Variants in SESN1 observed in about 807,000 individuals in gnomAD.
SESN1 encodes the protein sestrin-1.
SESN1 carries 30 observed loss-of-function variants against 59.3 expected under a neutral mutation model. The ratio of observed to expected loss-of-function variants is 0.51; its 90% CI spans 0.38 to 0.69. The LOEUF (loss-of-function observed/expected upper bound fraction) is 0.69, where lower values mean the gene tolerates loss of function less well. Ranked by LOEUF, SESN1 falls within the 30% of genes least tolerant of loss-of-function variation. The probability of loss-of-function intolerance (pLI) is 0.00; values close to 1 mark genes in which losing one functional copy is unlikely to be tolerated. For missense variants in SESN1, 566 were observed against 673.0 expected (o/e 0.84, Z 1.76); for synonymous variants, 197 against 219.9 (o/e 0.90, Z 0.92).
chr6:108,990,639 A>T lies in SESN1; in HGVS notation c.1424+6T>A, dbSNP rs1465158892. 1.2e-6 allele frequency: 2 copies of T among 1,613,538 alleles called. No homozygotes were observed. Among genetic ancestry groups the T allele is most frequent in the Non-Finnish European group, 8.5e-7 (1 of 1,179,634 alleles). ...ATCTCTTTATAAACACAGAAAGAAG[A>T]CTAACCTTATTCCAAACATGCAGTG... is the stretch of plus-strand genomic sequence containing the variant. On this transcript the variant is annotated splice_donor_region_variant and intron_variant, in intron 8 of 9. Transcript: ENST00000436639.
intron 5 of SESN1, among the ~76,000 whole-genome samples, chr6:108,996,470 C>T (rs1438179443): frequency 6.6e-6 from 1 of 152,126 alleles, no homozygotes; most frequent in African/African-American, 2.4e-5. Context: ...TCTGTCAACT[C>T]ACATTATCTG....
rs1402037709 is a variant in SESN1, at chr6:109,001,860, T to A, written c.346-372A>T. ...CAATTTAAGGAGAACTAAAATTAAC[T>A]AATAGCATACACTTCTTATGAAAAT... On this transcript the variant is annotated intron_variant, in intron 2 of 9. Coordinates refer to ENST00000436639, the MANE Select transcript of SESN1 (RefSeq NM_014454.3). Among the ~76,000 whole-genome samples the A allele has an allele frequency of 2.0e-5, 3 of 152,184 alleles. No individual in the cohort carries two copies. The East Asian group carries it at 5.8e-4, about 29-fold the overall frequency.
intron 1 of SESN1, among the ~76,000 whole-genome samples, chr6:109,044,145 C>G (rs1370495587): frequency 6.6e-6 from 1 of 151,180 alleles, no homozygotes; most frequent in African/African-American, 2.4e-5. Flanking sequence ...GGAGACTCCA[C>G]TACTACAAAT....
At chr6:109,033,494 C>T (rs574529059) in intron 1 of SESN1, among the ~76,000 whole-genome samples, 3 of 152,270 alleles carry the variant, frequency 2.0e-5, no homozygotes, top group East Asian at 3.9e-4. Context: ...CACTTCTGGA[C>T]AGGATGCCTC....
rs1781425301 is a variant in SESN1, at chr6:109,094,284, G to T, written c.-211C>A. 1.2e-5 allele frequency: 7 copies of T among 562,628 alleles called. No individual in the cohort carries two copies. The highest frequency in any genetic ancestry group is 2.2e-5 in the Non-Finnish European group (7 of 321,560). The allele number at this position is 562,628 out of a possible 1,614,324, so 34.9% of individuals were successfully genotyped here. ...TCACCCTCTCCTTGTACACGAAAGG[G>T]CAGTCTTCTTTCTGGAAAAACAAAG... is the stretch of plus-strand genomic sequence containing the variant. On this transcript the variant is annotated 5_prime_UTR_variant, in exon 1 of 10. Coordinates refer to ENST00000436639, the MANE Select transcript of SESN1 (RefSeq NM_014454.3).
intron 1 of SESN1, among the ~76,000 whole-genome samples, chr6:109,092,463 T>A (rs894887532): frequency 6.6e-6 from 1 of 152,230 alleles, no homozygotes; most frequent in Non-Finnish European, 1.5e-5. Flanking sequence ...CGATTGGTTA[T>A]CTGGTTTCCC....
rs1779861104 is a variant in SESN1, at chr6:109,011,710, CCTTGACCT to C, written c.280-9375_280-9368del. Among the ~76,000 whole-genome samples the C allele has an allele frequency of 2.6e-5, 4 of 151,312 alleles. No individual in the cohort carries two copies. In the South Asian group the frequency reaches 8.3e-4, roughly 32 times the overall value. On this transcript the variant is annotated intron_variant, in intron 1 of 9. Coordinates refer to ENST00000436639, the MANE Select transcript of SESN1 (RefSeq NM_014454.3). ...GTGGCATTATCACAGTTCACTGCAG[CCTTGACCT>C]CCAGGGCTCAAGTGATCCTCCCACC...
intron 6 of SESN1, among the ~76,000 whole-genome samples, chr6:108,993,706 A>C (rs1348219199): frequency 6.6e-6 from 1 of 152,114 alleles, no homozygotes; most frequent in Non-Finnish European, 1.5e-5. Context: ...GGTTGTTGGT[A>C]ATTTAATAAA....
chr6:109,061,684 G>A (rs992770319), intron 1 of SESN1, among the ~76,000 whole-genome samples: 1 of 152,154 alleles, frequency 6.6e-6, no homozygotes, highest in Non-Finnish European at 1.5e-5. Flanking sequence ...CACACCTGTA[G>A]TCTTAGCTCC....
At chr6:109,058,419 G>A (rs1409757945) in intron 1 of SESN1, among the ~76,000 whole-genome samples, 1 of 152,158 alleles carries the variant, frequency 6.6e-6, no homozygotes, top group Non-Finnish European at 1.5e-5. Context: ...TATAGCCTAC[G>A]TGTGCAGTAG....
intron 1 of SESN1, among the ~76,000 whole-genome samples, chr6:109,083,485 G>C (rs1232697377): frequency 6.6e-6 from 1 of 152,116 alleles, no homozygotes. Context: ...AATGAAATGA[G>C]AAGAAATGAT....
At chr6:109,046,301 T>C (rs1471908184) in intron 1 of SESN1, among the ~76,000 whole-genome samples, 47 of 151,602 alleles carry the variant, frequency 3.1e-4, no homozygotes, top group Admixed American at 3.0e-3. Context: ...GCCGGGCCGG[T>C]CTCCAGCCCC....
intron 1 of SESN1, among the ~76,000 whole-genome samples, chr6:109,027,229 T>G (rs777117997): frequency 5.9e-5 from 9 of 151,790 alleles, no homozygotes; most frequent in Non-Finnish European, 1.2e-4. Flanking sequence ...TCCCAGCACT[T>G]TGGGTGGCCG....
At chr6:109,086,196 TAA>T (rs1252047474) in intron 1 of SESN1, among the ~76,000 whole-genome samples, 1 of 151,886 alleles carries the variant, frequency 6.6e-6, no homozygotes, top group Non-Finnish European at 1.5e-5. Context: ...CCATCTCTAC[TAA>T]AAACTAGCTG....
chr6:109,006,605 C>A (rs1446728610), intron 1 of SESN1, among the ~76,000 whole-genome samples: 1 of 152,070 alleles, frequency 6.6e-6, no homozygotes, highest in Non-Finnish European at 1.5e-5. Flanking sequence ...GAGTTGGTAT[C>A]TTTCATTATT....
chr6:109,034,381 A>G (rs1780223806), intron 1 of SESN1, among the ~76,000 whole-genome samples: 1 of 152,180 alleles, frequency 6.6e-6, no homozygotes, highest in Non-Finnish European at 1.5e-5. Context: ...ATCTACCCTC[A>G]CTGATTTTAC....
At chr6:108,992,587 T>C (rs1779408674) in intron 7 of SESN1, among the ~76,000 whole-genome samples, 200 bp downstream of exon 7, 1 of 152,242 alleles carries the variant, frequency 6.6e-6, no homozygotes, top group African/African-American at 2.4e-5. Flanking sequence ...CAATAAAATT[T>C]TTAAGATATA....
At chr6:109,030,551 G>A (rs916859526) in intron 1 of SESN1, among the ~76,000 whole-genome samples, 1 of 152,122 alleles carries the variant, frequency 6.6e-6, no homozygotes, top group African/African-American at 2.4e-5. Flanking sequence ...AGGATGGGGT[G>A]GGAATAGGTG....
chr6:109,081,826 A>T lies in SESN1; in HGVS notation c.279+11969T>A, dbSNP rs574487659. 2.0e-5 allele frequency among the ~76,000 whole-genome samples: 3 copies of T among 152,328 alleles called. No individual in the cohort carries two copies. In the East Asian group the frequency reaches 5.8e-4, roughly 29 times the overall value. On this transcript the variant is annotated intron_variant, in intron 1 of 9. Coordinates refer to ENST00000436639, the MANE Select transcript of SESN1 (RefSeq NM_014454.3). ...TCTAAATTATATCAGGCTGTCTGAT[A>T]CAGAAAGCACTGTTTTGAAGACTTT...
Sources: gnomAD v4.1 joint callset for allele counts (sites outside exome capture counted in the v4.1 genomes callset) on GRCh38, gnomAD v4.1.1 for gene constraint, MANE v1.5 for transcripts, NCBI Gene and HGNC (gene_info 2026-07-23, HGNC 2026-07-21) for gene names.